Variants in RBMS3 observed in about 807,000 individuals in gnomAD.
RBMS3 encodes RNA-binding motif, single-stranded-interacting protein 3.
In RBMS3, 27 loss-of-function variants were observed where a neutral mutation model predicts 66.8. The observed-to-expected ratio is 0.40, with a 90% CI of 0.30 to 0.56. The LOEUF is 0.56. RBMS3 is among the 20% of genes least tolerant of loss of function. The probability of loss-of-function intolerance (pLI) is 0.40; values close to 1 mark genes in which losing one functional copy is unlikely to be tolerated. For synonymous variants in RBMS3, 188 were observed against 183.0 expected, an observed-to-expected ratio of 1.03 and a Z score of -0.22; for missense variants, 513 against 549.5, an observed-to-expected ratio of 0.93 and a Z score of 0.66.
At chr3:29,783,619 C>G (rs558340587) in intron 6 of RBMS3, among the ~76,000 whole-genome samples, 1 of 152,022 alleles carries the variant, frequency 6.6e-6, no homozygotes, top group East Asian at 1.9e-4. Context: ...CTCACAGGAC[C>G]TATATAACAA....
chr3:29,417,089 G>C (rs1439670172), intron 1 of RBMS3, among the ~76,000 whole-genome samples: 1 of 151,754 alleles, frequency 6.6e-6, no homozygotes, highest in Non-Finnish European at 1.5e-5. Flanking sequence ...CAATCAAAAG[G>C]TTTGCAGCAA....
At chr3:29,959,082 A>G (rs1696233071) in intron 12 of RBMS3, among the ~76,000 whole-genome samples, 2 of 152,306 alleles carry the variant, frequency 1.3e-5, no homozygotes, top group Non-Finnish European at 2.9e-5. Flanking sequence ...CATATGGTGA[A>G]AGAATGAATA....
intron 6 of RBMS3, among the ~76,000 whole-genome samples, chr3:29,791,782 T>A (rs2057021672): frequency 6.6e-6 from 1 of 152,198 alleles, no homozygotes; most frequent in Non-Finnish European, 1.5e-5. Flanking sequence ...AGTAGAGATT[T>A]CCATCAACAA....
Position 29,976,062 on chromosome 3 carries a change from T to C in RBMS3, c.1099-12081T>C, listed in dbSNP as rs191786414. ...TTGCCTTCTCTCATATTTCTAGTTATTTTGGTTTTTGATGATATATATATA... is the reference window on the plus strand; with the variant it reads ...TTGCCTTCTCTCATATTTCTAGTTACTTTGGTTTTTGATGATATATATATA... On this transcript the variant is annotated intron_variant, in intron 12 of 14. Coordinates refer to ENST00000383767, the MANE Select transcript of RBMS3 (RefSeq NM_001003793.3). Among the ~76,000 whole-genome samples the C allele has an allele frequency of 5.7e-4, 87 of 152,108 alleles. No homozygotes were observed. In the East Asian group the frequency reaches 0.017, roughly 29 times the overall value.
At chr3:29,501,986 C>A (rs147963785) in intron 3 of RBMS3, among the ~76,000 whole-genome samples, 18 of 152,208 alleles carry the variant, frequency 1.2e-4, no homozygotes, top group African/African-American at 4.1e-4. Flanking sequence ...CATGAGCATA[C>A]TGAGTCTAGA....
At chr3:29,634,747 C>T (rs1045984430) in intron 4 of RBMS3, among the ~76,000 whole-genome samples, 9 of 151,786 alleles carry the variant, frequency 5.9e-5, no homozygotes, top group African/African-American at 1.9e-4. Flanking sequence ...TCTGGGGGAA[C>T]CATAACCAGG....
At chr3:29,397,114 T>C (rs965599357) in intron 1 of RBMS3, among the ~76,000 whole-genome samples, 2 of 152,158 alleles carry the variant, frequency 1.3e-5, no homozygotes, top group Non-Finnish European at 2.9e-5. Context: ...GAACTTCAAA[T>C]CATTTCGTAA....
chr3:29,779,704 G>T (rs1343888118), intron 6 of RBMS3, among the ~76,000 whole-genome samples: 13 of 60,296 alleles, frequency 2.2e-4, no homozygotes, highest in Non-Finnish European at 5.0e-4. Context: ...AGATTAAGAT[G>T]AAATATATAT....
At chr3:29,941,640 A>G (rs1470273031) in intron 11 of RBMS3, among the ~76,000 whole-genome samples, 4 of 151,748 alleles carry the variant, frequency 2.6e-5, no homozygotes, top group Non-Finnish European at 5.9e-5. Context: ...ATTTGTAAAT[A>G]TTACACTTTT....
intron 3 of RBMS3, among the ~76,000 whole-genome samples, chr3:29,574,612 G>T (rs1224274460): frequency 6.6e-6 from 1 of 151,852 alleles, no homozygotes; most frequent in African/African-American, 2.4e-5. Flanking sequence ...TTTGTTTTCT[G>T]GTTGTTTTGT....
At chr3:29,751,380 A>T (rs2055175407) in intron 5 of RBMS3, among the ~76,000 whole-genome samples, 1 of 152,240 alleles carries the variant, frequency 6.6e-6, no homozygotes, top group Non-Finnish European at 1.5e-5. Context: ...TTCTATTAAA[A>T]ATGATCAGTA....
At chr3:29,415,145 C>G (rs1398767024) in intron 1 of RBMS3, among the ~76,000 whole-genome samples, 2 of 152,054 alleles carry the variant, frequency 1.3e-5, no homozygotes, top group African/African-American at 4.8e-5. Flanking sequence ...ACATTTCTGC[C>G]CATTGAGATG....
intron 1 of RBMS3, among the ~76,000 whole-genome samples, chr3:29,378,724 G>T (rs1380698277): frequency 6.6e-6 from 1 of 152,032 alleles, no homozygotes; most frequent in African/African-American, 2.4e-5. Context: ...TCTTCTAGTT[G>T]CAGATCTGAT....
intron 1 of RBMS3, among the ~76,000 whole-genome samples, chr3:29,333,784 T>C (rs1486134784): frequency 2.0e-5 from 3 of 152,180 alleles, no homozygotes; most frequent in Non-Finnish European, 4.4e-5. Flanking sequence ...GTTGTCTTTG[T>C]TTTCTTAGTA....
chr3:29,677,224 A>AT (rs1306381671), intron 4 of RBMS3, among the ~76,000 whole-genome samples: 3 of 152,140 alleles, frequency 2.0e-5, no homozygotes, highest in African/African-American at 7.2e-5. Flanking sequence ...ATGGAGATTA[A>AT]ATTTCAACAT....
chr3:29,489,815 A>T, intron 3 of RBMS3, among the ~76,000 whole-genome samples: 1 of 149,798 alleles, frequency 6.7e-6, no homozygotes, highest in Admixed American at 6.7e-5. Context: ...GAGGCTGAGG[A>T]GGGTGGATCA....
At chr3:29,337,248 T>C (rs1416550333) in intron 1 of RBMS3, among the ~76,000 whole-genome samples, 1 of 152,084 alleles carries the variant, frequency 6.6e-6, no homozygotes, top group Non-Finnish European at 1.5e-5. Context: ...TGATACAAAA[T>C]GTTAAAAAAT....
At chr3:29,640,938 G>A (rs768535667) in intron 4 of RBMS3, among the ~76,000 whole-genome samples, 3 of 151,862 alleles carry the variant, frequency 2.0e-5, no homozygotes, top group Non-Finnish European at 4.4e-5. Flanking sequence ...CTACTTCATA[G>A]GGCTTTTGTG....
At chr3:29,755,366 AC>A (rs2055364158) in intron 5 of RBMS3, among the ~76,000 whole-genome samples, 1 of 152,212 alleles carries the variant, frequency 6.6e-6, no homozygotes, top group Admixed American at 6.5e-5. Flanking sequence ...CTTGAAACAC[AC>A]AGTCTTTGGG....
Sources: gnomAD v4.1 joint callset for allele counts (sites outside exome capture counted in the v4.1 genomes callset) on GRCh38, gnomAD v4.1.1 for gene constraint, MANE v1.5 for transcripts, NCBI Gene and HGNC (gene_info 2026-07-23, HGNC 2026-07-21) for gene names.